UGT1A6: variants seen among roughly 807,000 people sequenced by gnomAD.
UGT1A6 encodes UDP glucuronosyltransferase family 1 member A6, also known as UDP-glucuronosyltransferase 1A6.
A neutral mutation model predicts 44.4 loss-of-function variants in UGT1A6; 32 were observed. The ratio of observed to expected loss-of-function variants is 0.72; its 90% CI spans 0.54 to 0.97. The LOEUF is 0.97. Ranked by LOEUF, UGT1A6 falls within the 50% of genes least tolerant of loss-of-function variation. UGT1A6 has a pLI of 0.00. For missense variants in UGT1A6, 685 were observed against 661.9 expected (o/e 1.03, Z -0.38); for synonymous variants, 238 against 248.5 (o/e 0.96, Z 0.40).
At chr2:233,695,891 A>G (rs1183096724) in intron 1 of UGT1A6, among the ~76,000 whole-genome samples, 1 of 152,212 alleles carries the variant, frequency 6.6e-6, no homozygotes, top group African/African-American at 2.4e-5. Context: ...TTCAGTGAAC[A>G]AATGTGTGGG....
intron 1 of UGT1A6, among the ~76,000 whole-genome samples, chr2:233,756,735 C>T (rs1015618945): frequency 7.9e-5 from 12 of 152,180 alleles, no homozygotes; most frequent in African/African-American, 2.6e-4. Context: ...GTTCTCTTCA[C>T]CTCCTCCTTA....
chr2:233,711,434 TAC>T (rs1559357703), intron 1 of UGT1A6, among the ~76,000 whole-genome samples: 5 of 152,176 alleles, frequency 3.3e-5, no homozygotes, highest in African/African-American at 1.2e-4. Context: ...TTAGGATGCA[TAC>T]AGTTTTAAGG....
chr2:233,744,436 C>T (rs183534266), intron 1 of UGT1A6, among the ~76,000 whole-genome samples: 4 of 151,808 alleles, frequency 2.6e-5, no homozygotes, highest in African/African-American at 2.4e-5. Flanking sequence ...ATCTATCATA[C>T]GTACTGCATT....
At chr2:233,716,556 T>A (rs1435201445) in intron 1 of UGT1A6, among the ~76,000 whole-genome samples, 1 of 152,206 alleles carries the variant, frequency 6.6e-6, no homozygotes, top group Non-Finnish European at 1.5e-5. Context: ...ATATTCCTTT[T>A]TTCATTTTTT....
rs556291305 is a variant in UGT1A6, at chr2:233,766,974, G to A, written c.862-60G>A. 4.3e-6 allele frequency: 7 copies of A among 1,611,912 alleles called. No homozygotes were observed. In the East Asian group the frequency reaches 1.6e-4, roughly 36 times the overall value. On this transcript the variant is annotated intron_variant, in intron 1 of 4. Transcript: ENST00000305139. ...GAAGATATCTAATTCATAACTTACT[G>A]TATGTAGTCATCAAAGAATATGAGA... is the stretch of plus-strand genomic sequence containing the variant.
Position 233,769,296 on chromosome 2 carries a change from A to G in UGT1A6, c.1301+857A>G, listed in dbSNP as rs1325242362. 6.6e-6 allele frequency among the ~76,000 whole-genome samples: 1 copy of G among 152,258 alleles called. No homozygotes were observed. Among genetic ancestry groups the G allele is most frequent in the African/African-American group, 2.4e-5 (1 of 41,468 alleles). ...GGCAAATGATTTCTGGATTAAAGTT[A>G]GTATATTACTGTCAAGCTCACTGGT... On this transcript the variant is annotated intron_variant, in intron 4 of 4. Transcript: ENST00000305139. This position sits in a 1 kb window ranked among gnomAD's most constrained non-coding sequence, Gnocchi z 4.4.
At chr2:233,699,828 A>C (rs1331199785) in intron 1 of UGT1A6, among the ~76,000 whole-genome samples, 1 of 152,230 alleles carries the variant, frequency 6.6e-6, no homozygotes, top group Non-Finnish European at 1.5e-5. Context: ...GTTCTCAAAT[A>C]GAACTAATTT....
intron 1 of UGT1A6, among the ~76,000 whole-genome samples, chr2:233,706,419 C>T (rs1315214642): frequency 6.6e-6 from 1 of 152,228 alleles, no homozygotes; most frequent in Admixed American, 6.5e-5. Flanking sequence ...TTCACGTGGT[C>T]TTTCAGCCAC....
In UGT1A6 at chr2:233,767,094, T is replaced by A; in HGVS notation, c.922T>A (p.Ser308Thr). 3 of 1,614,120 alleles carry A rather than the reference T, an allele frequency of 1.9e-6. No homozygotes were observed. The highest frequency in any genetic ancestry group is 2.5e-6 in the Non-Finnish European group (3 of 1,180,014). ...EHGIVVFSLG[S>T]MVSEIPEKKA... ...TGGAATTGTGGTTTTCTCTTTGGGA[T>A]CAATGGTCTCAGAAATTCCAGAGAA... Residue 308 changes from serine (S) to threonine (T), a missense_variant, in exon 2 of 5, where the codon TCA (serine) becomes ACA (threonine). Transcript: ENST00000305139.
chr2:233,718,363 A>G (rs2076649552), intron 1 of UGT1A6, among the ~76,000 whole-genome samples: 1 of 152,246 alleles, frequency 6.6e-6, no homozygotes, highest in Non-Finnish European at 1.5e-5. Flanking sequence ...TGTGTTATTC[A>G]CATATGAGAA....
At chr2:233,754,951 G>A (rs769037573) in intron 1 of UGT1A6, 2 of 1,320,818 alleles carry the variant, frequency 1.5e-6, no homozygotes, top group Non-Finnish European at 2.0e-6. Context: ...AATGGGTCCC[G>A]GCCGCCAAAG....
chr2:233,734,937 T>C lies in UGT1A6; in HGVS notation c.862-32097T>C, dbSNP rs140853448. 9.9e-3 allele frequency among the ~76,000 whole-genome samples: 1,505 copies of C among 152,312 alleles called. 23 individuals are homozygous for C. Among genetic ancestry groups the C allele is most frequent in the African/African-American group, 0.035 (1,436 of 41,556 alleles). On this transcript the variant is annotated intron_variant, in intron 1 of 4. Coordinates refer to ENST00000305139, the MANE Select transcript of UGT1A6 (RefSeq NM_001072.4). ...CTAAGGAGTGCTTTACTTACAATCA[T>C]ATGGTCAGTTTTAGAATAAGTGTGA...
intron 1 of UGT1A6, chr2:233,754,798 C>T (rs781516183): frequency 6.4e-6 from 8 of 1,247,628 alleles, no homozygotes; most frequent in African/African-American, 6.1e-5. Context: ...AATCCTGTAT[C>T]AAAAGAAGAA....
Position 233,769,302 on chromosome 2 carries a change from T to C in UGT1A6, c.1301+863T>C, listed in dbSNP as rs139674601. 9.5e-4 allele frequency among the ~76,000 whole-genome samples: 145 copies of C among 152,348 alleles called. No homozygotes were observed. The highest frequency in any genetic ancestry group is 3.0e-3 in the African/African-American group (125 of 41,572). Reference sequence around the variant, plus strand: ...TGATTTCTGGATTAAAGTTAGTATATTACTGTCAAGCTCACTGGTAATAGG... The same window carrying C: ...TGATTTCTGGATTAAAGTTAGTATACTACTGTCAAGCTCACTGGTAATAGG... On this transcript the variant is annotated intron_variant, in intron 4 of 4. Transcript: ENST00000305139. This position sits in a 1 kb window ranked among gnomAD's most constrained non-coding sequence, Gnocchi z 4.4.
chr2:233,760,681 CACA>C (rs1697528171), intron 1 of UGT1A6: 4 of 1,614,246 alleles, frequency 2.5e-6, no homozygotes, highest in East Asian at 2.2e-5. Context: ...CCACTTACTG[CACA>C]ACAAGGAGCT....
intron 1 of UGT1A6, chr2:233,743,046 AG>A: frequency 3.1e-6 from 1 of 319,454 alleles, no homozygotes; most frequent in Non-Finnish European, 6.1e-6. Context: ...CTATCCGTGT[AG>A]TCCCAACGAT....
chr2:233,741,316 A>C (rs1691627687), intron 1 of UGT1A6, among the ~76,000 whole-genome samples: 7 of 151,556 alleles, frequency 4.6e-5, no homozygotes, highest in Admixed American at 4.6e-4. Context: ...ACACCAACTC[A>C]TTCTACTCTA....
At chr2:233,697,646 CT>C (rs2075403503) in intron 1 of UGT1A6, among the ~76,000 whole-genome samples, 1 of 150,654 alleles carries the variant, frequency 6.6e-6, no homozygotes, top group African/African-American at 2.4e-5. Context: ...TTTTTAGTTC[CT>C]TGAGGTGCAT....
At chr2:233,734,641 G>A (rs777455810) in intron 1 of UGT1A6, among the ~76,000 whole-genome samples, 2 of 152,096 alleles carry the variant, frequency 1.3e-5, no homozygotes, top group Non-Finnish European at 2.9e-5. Flanking sequence ...GCTTTCTCCT[G>A]TGGGGATTTA....
Sources: allele counts gnomAD v4.1 joint callset (sites outside exome capture counted in the v4.1 genomes callset), GRCh38; gene constraint gnomAD v4.1.1; non-coding constraint Gnocchi (gnomAD v3.1); transcripts MANE v1.5; gene names NCBI Gene and HGNC (gene_info 2026-07-23, HGNC 2026-07-21).